COG3: variants seen among roughly 807,000 people sequenced by gnomAD.
COG3 encodes conserved oligomeric Golgi complex subunit 3.
A neutral mutation model predicts 114.1 loss-of-function variants in COG3; 32 were observed. The ratio of observed to expected loss-of-function variants is 0.28; its 90% CI spans 0.21 to 0.38. The LOEUF (loss-of-function observed/expected upper bound fraction) is 0.38. Among genes scored for constraint, COG3 ranks in the 10% least tolerant of loss-of-function variants. The probability of loss-of-function intolerance (pLI) is 1.00; values close to 1 mark genes in which losing one functional copy is unlikely to be tolerated. For missense variants in COG3, 813 were observed against 973.2 expected (o/e 0.84, Z 2.19); for synonymous variants, 352 against 365.7 (o/e 0.96, Z 0.43).
At chr13:45,479,530 T>C (rs958603292) in intron 3 of COG3, among the ~76,000 whole-genome samples, 3 of 152,188 alleles carry the variant, frequency 2.0e-5, no homozygotes, top group Non-Finnish European at 2.9e-5. Flanking sequence ...AGGGTATTGA[T>C]TTGTTGATGG....
rs189824768 is a variant in COG3 at position 45,499,759 on chromosome 13, C to T, written c.1488+3447C>T. 3.8e-3 allele frequency among the ~76,000 whole-genome samples: 582 copies of T among 152,222 alleles called. 4 individuals carry two copies. The highest frequency in any genetic ancestry group is 0.013 in the African/African-American group (557 of 41,530). ...AGTCTTGGCCAGGCACGGTGGCTTGCGCCTGTAATACTAGCACTGTGGGAG... is the reference window on the plus strand; with the variant it reads ...AGTCTTGGCCAGGCACGGTGGCTTGTGCCTGTAATACTAGCACTGTGGGAG... On this transcript the variant is annotated intron_variant, in intron 13 of 22. Transcript: ENST00000349995.
rs1183473937 is a variant in COG3, at chr13:45,482,417, G to A, written c.661G>A (p.Gly221Arg). 8.3e-6 allele frequency: 13 copies of A among 1,573,404 alleles called. No individual in the cohort carries two copies. Among genetic ancestry groups the A allele is most frequent in the Non-Finnish European group, 1.0e-5 (12 of 1,147,954 alleles). The change falls in exon 6 of 23, where the codon GGA becomes AGA. Residue 221 changes from glycine (G) to arginine (R), a missense_variant. Around this residue, in one of 2 missense-constraint regions of COG3, gnomAD observed 424 missense variants for 430.6 expected, o/e 0.98. Coordinates refer to ENST00000349995, the MANE Select transcript of COG3 (RefSeq NM_031431.4). ...NSPTLSVNSD[G>R]FIPMLAKLDD... ...CCCTACATTGTCGGTGAATAGTGACGGATTTATACCTATGCTGGCCAAGTT... is the reference window on the plus strand; with the variant it reads ...CCCTACATTGTCGGTGAATAGTGACAGATTTATACCTATGCTGGCCAAGTT...
chr13:45,465,048 G>A lies in COG3; in HGVS notation c.12G>A (p.Ala4=), dbSNP rs902813181. ...CGAGGGCGGCGGCGATGGCGGAGGC[G>A]GCGCTGTTGCTGCTGCCTGAGGCGG... The part of the protein sequence containing the change: MAE[A]ALLLLPEAAA... The change falls in exon 1 of 23, where the codon GCG becomes GCA. Residue 4 remains alanine, a synonymous_variant. Transcript: ENST00000349995. The A allele has an allele frequency of 6.3e-7, 1 of 1,578,910 alleles. No homozygotes were observed. The highest frequency in any genetic ancestry group is 8.6e-7 in the Non-Finnish European group (1 of 1,164,182).
intron 7 of COG3, 35 bp from the exon 8 acceptor site, chr13:45,486,460 A>C: frequency 3.1e-6 from 4 of 1,298,490 alleles, no homozygotes; most frequent in Non-Finnish European, 4.5e-6. Context: ...TTTGCTAATT[A>C]TCTTCCTTCC....
chr13:45,467,644 G>A (rs921833321), intron 1 of COG3, among the ~76,000 whole-genome samples: 2 of 152,194 alleles, frequency 1.3e-5, no homozygotes, highest in African/African-American at 4.8e-5. Context: ...TGGAATCTTT[G>A]AGAAGGCAGT....
chr13:45,515,491 T>G (rs1871443367), intron 16 of COG3, among the ~76,000 whole-genome samples: 1 of 152,150 alleles, frequency 6.6e-6, no homozygotes, highest in Non-Finnish European at 1.5e-5. Flanking sequence ...ATGAGAGCTA[T>G]GATTATTCAG....
At chr13:45,497,746 A>G (rs1347056561) in intron 13 of COG3, among the ~76,000 whole-genome samples, 1 of 151,402 alleles carries the variant, frequency 6.6e-6, no homozygotes, top group African/African-American at 2.4e-5. Flanking sequence ...AGATCACGCC[A>G]TTGCACTCCA....
intron 13 of COG3, among the ~76,000 whole-genome samples, chr13:45,498,584 A>G (rs995911598): frequency 6.6e-6 from 1 of 151,968 alleles, no homozygotes; most frequent in Non-Finnish European, 1.5e-5. Context: ...TTATTTGTCT[A>G]TTGGATGGTC....
At chr13:45,498,783 CTT>C (rs1555296637) in intron 13 of COG3, among the ~76,000 whole-genome samples, 3 of 103,072 alleles carry the variant, frequency 2.9e-5, no homozygotes, top group Non-Finnish European at 4.1e-5. Flanking sequence ...CTATTTTGTT[CTT>C]TTTTTTTTTT....
intron 15 of COG3, among the ~76,000 whole-genome samples, chr13:45,511,385 A>G (rs1870845525): frequency 6.6e-6 from 1 of 152,116 alleles, no homozygotes. Flanking sequence ...TTAGAAGTGG[A>G]TTTACTGAGG....
At chr13:45,526,605 T>TA (rs1872722791) in intron 20 of COG3, among the ~76,000 whole-genome samples, 1 of 152,240 alleles carries the variant, frequency 6.6e-6, no homozygotes, top group Non-Finnish European at 1.5e-5. Context: ...CTTTGTGACA[T>TA]ACTTTAGGTG....
intron 20 of COG3, among the ~76,000 whole-genome samples, chr13:45,525,499 A>G (rs934274077): frequency 2.0e-5 from 3 of 151,644 alleles, no homozygotes; most frequent in Admixed American, 6.6e-5. Context: ...GAGTATTGGG[A>G]AAAAAAATTG....
rs1555295083 is a variant in COG3, at chr13:45,486,339, C to CGGGAGACGGAGAGGGAGAGGGAGA, written c.844-150_844-149insCGGAGAGGGAGAGGGAGAGGGAGA. Among the ~76,000 whole-genome samples the CGGGAGACGGAGAGGGAGAGGGAGA allele has an allele frequency of 1.1e-4, 6 of 55,236 alleles. 1 individual carries two copies. Among genetic ancestry groups the CGGGAGACGGAGAGGGAGAGGGAGA allele is most frequent in the East Asian group, 5.4e-4 (1 of 1,862 alleles). 36.2% of individuals were successfully genotyped at this position (55,236 alleles called of 152,430 possible). On this transcript the variant is annotated intron_variant, in intron 7 of 22. Coordinates refer to ENST00000349995, the MANE Select transcript of COG3 (RefSeq NM_031431.4). ...GAGACGGGAGACGGGAGACGGGAGA[C>CGGGAGACGGAGAGGGAGAGGGAGA]GGGAGAGGGAGAGGGAGAGGGAGAG...
At chr13:45,511,945 T>C in intron 16 of COG3, 91 bp downstream of exon 16, 2 of 966,152 alleles carry the variant, frequency 2.1e-6, no homozygotes, top group South Asian at 2.7e-5. Context: ...TAAAGCTGTT[T>C]TGGCAGTAGG....
intron 1 of COG3, 53 bp downstream of exon 1, chr13:45,465,263 G>C: frequency 6.3e-7 from 1 of 1,592,958 alleles, no homozygotes; most frequent in African/African-American, 1.3e-5. Flanking sequence ...GATTCTCCTC[G>C]GGCGCCCCGG....
At chr13:45,521,453 G>A (rs1872126140) in intron 19 of COG3, among the ~76,000 whole-genome samples, 1 of 152,084 alleles carries the variant, frequency 6.6e-6, no homozygotes, top group Non-Finnish European at 1.5e-5. Context: ...GCTGCTCACT[G>A]AGTTTCTACT....
chr13:45,490,760 C>G (rs1445208075), intron 8 of COG3, among the ~76,000 whole-genome samples, 155 bp from the exon 9 acceptor site: 3 of 151,738 alleles, frequency 2.0e-5, no homozygotes, highest in Non-Finnish European at 4.4e-5. Context: ...TACTGAAATG[C>G]TGTGGTGAAT....
At position 45,509,081 on chromosome 13, in the gene COG3, C is replaced by T. The variant is rs531508240; in HGVS notation, c.1595-611C>T. Among the ~76,000 whole-genome samples the T allele has an allele frequency of 4.0e-5, 6 of 151,828 alleles. No homozygotes were observed. In the South Asian group the frequency reaches 1.0e-3, roughly 26 times the overall value. Reference sequence around the variant, plus strand: ...TTGAGACGGAGTCTCACTTTGTTGCCCAGGCTGGAGTGCAGTGGCGAGATC... The same window carrying T: ...TTGAGACGGAGTCTCACTTTGTTGCTCAGGCTGGAGTGCAGTGGCGAGATC... On this transcript the variant is annotated intron_variant, in intron 14 of 22. Coordinates refer to ENST00000349995, the MANE Select transcript of COG3 (RefSeq NM_031431.4).
At chr13:45,523,475 AT>A (rs1253409174) in intron 19 of COG3, among the ~76,000 whole-genome samples, 2 of 152,206 alleles carry the variant, frequency 1.3e-5, no homozygotes, top group Non-Finnish European at 2.9e-5. Context: ...TTGTGTAGGA[AT>A]TTTTAAAAAG....
Sources: gnomAD v4.1 joint callset for allele counts (sites outside exome capture counted in the v4.1 genomes callset) on GRCh38, gnomAD v4.1.1 for gene constraint, gnomAD v4.1.1 regional missense constraint, MANE v1.5 for transcripts, NCBI Gene and HGNC (gene_info 2026-07-23, HGNC 2026-07-21) for gene names.